Variants in NRP1 observed in about 807,000 individuals in gnomAD.
The protein encoded by NRP1 is neuropilin-1.
NRP1 carries 35 observed loss-of-function variants against 106.7 expected under a neutral mutation model. The observed-to-expected ratio is 0.33, with a 90% CI of 0.25 to 0.43. NRP1 has a LOEUF of 0.43. Among genes scored for constraint, NRP1 ranks in the 20% least tolerant of loss-of-function variants. The pLI, the probability that NRP1 is intolerant of heterozygous loss-of-function variation, is 1.00. For missense variants in NRP1, 1,024 were observed against 1,170.4 expected, an observed-to-expected ratio of 0.87 and a Z score of 1.83; for synonymous variants, 437 against 417.9, an observed-to-expected ratio of 1.05 and a Z score of -0.56.
At chr10:33,266,315 C>A (rs1486116744) in intron 3 of NRP1, among the ~76,000 whole-genome samples, 1 of 152,142 alleles carries the variant, frequency 6.6e-6, no homozygotes, top group South Asian at 2.1e-4. Flanking sequence ...GGGCGATGGA[C>A]AAGAACTGGA....
Position 33,179,926 on chromosome 10 carries a change from C to A in NRP1, c.*150G>T. 1.3e-6 allele frequency: 1 copy of A among 747,634 alleles called. No individual in the cohort carries two copies. Among genetic ancestry groups the A allele is most frequent in the Non-Finnish European group, 2.3e-6 (1 of 442,864 alleles). The allele number at this position is 747,634 out of a possible 1,614,324, so 46.3% of individuals were successfully genotyped here. On this transcript the variant is annotated 3_prime_UTR_variant, in exon 17 of 17. Transcript: ENST00000374867. The stretch of plus-strand genomic sequence containing the variant: ...AACACAGCTCCTTGTCCATGTCTGT[C>A]GGCCATACTCATTGAAGCTCCTGAG...
intron 9 of NRP1, among the ~76,000 whole-genome samples, chr10:33,208,730 T>G (rs1389318121): frequency 1.3e-5 from 2 of 152,148 alleles, no homozygotes; most frequent in African/African-American, 4.8e-5. Flanking sequence ...TTAACTCATT[T>G]AATCCTCAGA....
intron 6 of NRP1, among the ~76,000 whole-genome samples, chr10:33,246,997 C>T (rs111564796): frequency 1.2e-3 from 189 of 152,286 alleles, no homozygotes; most frequent in African/African-American, 4.3e-3. Context: ...ACCTCTTCCA[C>T]GCTCAACCCA....
chr10:33,201,684 TG>T (rs1343739415), intron 11 of NRP1: 1 of 152,150 alleles, frequency 6.6e-6, no homozygotes, highest in Admixed American at 6.5e-5. Context: ...CTCATAGCAA[TG>T]TGACATTTAT....
intron 2 of NRP1, among the ~76,000 whole-genome samples, chr10:33,309,621 G>T (rs1846425555): frequency 6.6e-6 from 1 of 152,178 alleles, no homozygotes; most frequent in African/African-American, 2.4e-5. Context: ...TTTTTGAAAT[G>T]CTCACATCAG....
intron 10 of NRP1, among the ~76,000 whole-genome samples, chr10:33,203,456 C>T (rs1044790281): frequency 1.3e-5 from 2 of 151,922 alleles, no homozygotes; most frequent in African/African-American, 4.8e-5. Context: ...ATAATTCTTC[C>T]CCAAAGGGAG....
chr10:33,246,867 T>C (rs994251977), intron 6 of NRP1, among the ~76,000 whole-genome samples: 1 of 152,186 alleles, frequency 6.6e-6, no homozygotes, highest in Non-Finnish European at 1.5e-5. Flanking sequence ...CCTGGTCCTA[T>C]GTATGCTCTG....
At position 33,185,716 on chromosome 10, in the gene NRP1, G is replaced by A. The variant is rs61760432; in HGVS notation, c.2343C>T (p.Phe781=). ...HKSLKLYQVI[F]EGEIGKGNLG... ...GGTTTCCTTTTCCGATTTCGCCCTCGAAAATCACCTAACAAAATAAGATCA... is the reference window on the plus strand; with the variant it reads ...GGTTTCCTTTTCCGATTTCGCCCTCAAAAATCACCTAACAAAATAAGATCA... The change falls in exon 15 of 17, where the codon TTC becomes TTT. Residue 781 remains phenylalanine (F), a synonymous_variant. Coordinates refer to ENST00000374867, the MANE Select transcript of NRP1 (RefSeq NM_003873.7). 0.036 allele frequency: 58,400 copies of A among 1,612,560 alleles called. 1,319 individuals carry two copies. Among genetic ancestry groups the A allele is most frequent in the Non-Finnish European group, 0.039 (45,672 of 1,178,644 alleles).
Position 33,192,353 on chromosome 10 carries a change from C to T in NRP1, c.1990G>A (p.Glu664Lys). Residue 664 changes from glutamate (E) to lysine (K), a missense_variant, in exon 13 of 17, where the codon GAA becomes AAA. Physicochemically the swap from Glu to Lys is moderately conservative, Grantham distance 56 (BLOSUM62 1). Transcript: ENST00000374867. ...TTGAGCTGCACGTGATTGTCATGTTCCCAGTGGCAGAAGGTCTTGTGAGAG... is the reference window on the plus strand; with the variant it reads ...TTGAGCTGCACGTGATTGTCATGTTTCCAGTGGCAGAAGGTCTTGTGAGAG... ...WGSHKTFCHW[E>K]HDNHVQLKWS... The T allele has an allele frequency of 6.2e-7, 1 of 1,613,812 alleles. No individual in the cohort carries two copies. Among genetic ancestry groups the T allele is most frequent in the Non-Finnish European group, 8.5e-7 (1 of 1,179,874 alleles).
chr10:33,304,983 G>A (rs911923206), intron 2 of NRP1, among the ~76,000 whole-genome samples: 6 of 152,252 alleles, frequency 3.9e-5, no homozygotes, highest in Non-Finnish European at 7.3e-5. Context: ...TGAAATTGAA[G>A]AATGACTTGC....
rs548287300 is a variant in NRP1, at chr10:33,266,743, C to T, written c.431-2870G>A. Among the ~76,000 whole-genome samples, 7 of 152,268 alleles carry T rather than the reference C, an allele frequency of 4.6e-5. No individual in the cohort carries two copies. In the South Asian group the frequency reaches 1.5e-3, roughly 32 times the overall value. On this transcript the variant is annotated intron_variant, in intron 3 of 16. Transcript: ENST00000374867. ...GTGATTGAATCATGGGGGTGGATTT[C>T]TCATGAATAGTTTAGCACTATCCCC...
At chr10:33,306,562 T>C (rs1436386974) in intron 2 of NRP1, among the ~76,000 whole-genome samples, 1 of 152,188 alleles carries the variant, frequency 6.6e-6, no homozygotes, top group East Asian at 1.9e-4. Flanking sequence ...CAGTTTACAA[T>C]TTCCTTGACA....
intron 11 of NRP1, 68 bp downstream of exon 11, chr10:33,202,823 C>T (rs753606640): frequency 6.2e-6 from 10 of 1,613,744 alleles, no homozygotes; most frequent in Admixed American, 1.7e-5. Context: ...CACACACAGG[C>T]GTTAGCTGGT....
intron 6 of NRP1, 101 bp downstream of exon 6, chr10:33,253,927 C>T: frequency 9.6e-7 from 1 of 1,045,564 alleles, no homozygotes; most frequent in Non-Finnish European, 1.4e-6. Context: ...CCTATCTTCT[C>T]ATTGGAGGCC....
intron 6 of NRP1, among the ~76,000 whole-genome samples, chr10:33,233,106 C>T (rs1160748859): frequency 1.3e-5 from 2 of 152,148 alleles, no homozygotes; most frequent in East Asian, 3.9e-4. Context: ...GCTCCACTCA[C>T]AATGAGAAGA....
chr10:33,184,671 T>C (rs1835892510), intron 15 of NRP1, among the ~76,000 whole-genome samples: 1 of 152,354 alleles, frequency 6.6e-6, no homozygotes, highest in South Asian at 2.1e-4. Context: ...GCAGATTCCC[T>C]TTAATAGTAT....
intron 2 of NRP1, among the ~76,000 whole-genome samples, chr10:33,327,286 T>G (rs1252404750): frequency 6.6e-6 from 1 of 152,170 alleles, no homozygotes. Context: ...TGATAACTTA[T>G]TTTGAGGGTC....
intron 6 of NRP1, among the ~76,000 whole-genome samples, chr10:33,231,849 G>C (rs1840162262): frequency 6.6e-6 from 1 of 152,272 alleles, no homozygotes; most frequent in African/African-American, 2.4e-5. Flanking sequence ...GGAAAAGACT[G>C]TTCCAGGGAC....
rs1564425251 is a variant in NRP1, at chr10:33,252,995, G to GT, written c.981+1032_981+1033insA. Reference sequence around the variant, plus strand: ...GAAAGTAGAGGATTAATCATCTTGTGGTTTTTTTTTTTTTTCTTGCTTAGA... The same window carrying GT: ...GAAAGTAGAGGATTAATCATCTTGTGTGTTTTTTTTTTTTTTCTTGCTTAGA... On this transcript the variant is annotated intron_variant, in intron 6 of 16. Transcript: ENST00000374867. Among the ~76,000 whole-genome samples the GT allele has an allele frequency of 8.3e-4, 111 of 133,856 alleles. No individual in the cohort carries two copies. In the East Asian group the frequency reaches 0.017, roughly 21 times the overall value. The allele number at this position is 133,856 out of a possible 152,430, so 87.8% of individuals were successfully genotyped here.
Sources: gnomAD v4.1 joint callset for allele counts (sites outside exome capture counted in the v4.1 genomes callset) on GRCh38, gnomAD v4.1.1 for gene constraint, MANE v1.5 for transcripts, NCBI Gene and HGNC (gene_info 2026-07-23, HGNC 2026-07-21) for gene names.